The following EXOC4 variants were observed in gnomAD, a reference collection of about 807,000 sequenced individuals.
EXOC4 encodes exocyst complex component 4.
EXOC4 carries 71 observed loss-of-function variants against 107.2 expected under a neutral mutation model. That is an observed-to-expected ratio of 0.66 (90% CI 0.55 to 0.81). The LOEUF is 0.81. Among genes scored for constraint, EXOC4 ranks in the 30% least tolerant of loss-of-function variants. EXOC4 has a pLI of 0.00. For synonymous variants in EXOC4, 456 were observed against 441.2 expected (o/e 1.03, Z -0.42); for missense variants, 1,108 against 1,189.6 (o/e 0.93, Z 1.01).
intron 4 of EXOC4, among the ~76,000 whole-genome samples, chr7:133,307,326 G>A (rs1794775146): frequency 2.0e-5 from 3 of 152,290 alleles, no homozygotes; most frequent in South Asian, 4.1e-4. Context: ...TCTGAATAGG[G>A]TATCTGTCAG....
chr7:133,258,489 C>G (rs970820546), intron 1 of EXOC4, among the ~76,000 whole-genome samples: 1 of 152,120 alleles, frequency 6.6e-6, no homozygotes, highest in Non-Finnish European at 1.5e-5. Context: ...GTCTTAGTTT[C>G]CTCATTTGGA....
At chr7:133,817,012 T>A (rs1035378447) in intron 10 of EXOC4, among the ~76,000 whole-genome samples, 2 of 152,288 alleles carry the variant, frequency 1.3e-5, no homozygotes, top group Middle Eastern at 3.4e-3. Context: ...TTCACAATAA[T>A]TTGTGTTTTT....
intron 13 of EXOC4, among the ~76,000 whole-genome samples, chr7:133,918,149 A>AT (rs5887650): frequency 0.62 from 93,534 of 151,354 alleles, 31,270 homozygotes; most frequent in African/African-American, 0.89. Flanking sequence ...CGCCCGGCTA[A>AT]TTTTTTATTT....
the EXOC4 span, among the ~76,000 whole-genome samples, chr7:134,099,522 CTTTT>C: frequency 9.6e-6 from 1 of 103,934 alleles, no homozygotes; most frequent in Non-Finnish European, 2.1e-5. Flanking sequence ...CATCACACTT[CTTTT>C]TTTTTTTTTT....
intron 13 of EXOC4, among the ~76,000 whole-genome samples, chr7:133,928,345 C>T (rs748263403): frequency 1.1e-4 from 16 of 152,246 alleles, no homozygotes; most frequent in Admixed American, 3.9e-4. Flanking sequence ...AGCGGTGAGA[C>T]GCTCTAGTAG....
intron 9 of EXOC4, among the ~76,000 whole-genome samples, chr7:133,582,781 C>T (rs1424539703): frequency 1.3e-5 from 2 of 152,052 alleles, no homozygotes; most frequent in Non-Finnish European, 2.9e-5. Flanking sequence ...ACCAGAATTT[C>T]CCTGTTTCTC....
chr7:133,438,966 A>C (rs1238376068), intron 7 of EXOC4, among the ~76,000 whole-genome samples: 1 of 152,176 alleles, frequency 6.6e-6, no homozygotes, highest in Non-Finnish European at 1.5e-5. Context: ...ACTGGGAATC[A>C]GGAAATTTGA....
At chr7:133,385,862 C>A (rs994417060) in intron 7 of EXOC4, among the ~76,000 whole-genome samples, 1 of 152,130 alleles carries the variant, frequency 6.6e-6, no homozygotes, top group African/African-American at 2.4e-5. Context: ...TCAACTGATT[C>A]ATTTAATTGA....
At chr7:133,710,913 GA>G (rs5887642) in intron 10 of EXOC4, among the ~76,000 whole-genome samples, 8 of 148,510 alleles carry the variant, frequency 5.4e-5, no homozygotes, top group African/African-American at 1.7e-4. Flanking sequence ...TTAACAGCCA[GA>G]AAAAAAAAAT....
chr7:133,611,090 C>A (rs10227222), intron 9 of EXOC4, among the ~76,000 whole-genome samples: 3,679 of 151,460 alleles, frequency 0.024, 154 homozygotes, highest in African/African-American at 0.085. Context: ...GGCATGAGCC[C>A]TCATGCCTGG....
intron 7 of EXOC4, among the ~76,000 whole-genome samples, chr7:133,448,021 A>C (rs1798257151): frequency 6.6e-6 from 1 of 152,220 alleles, no homozygotes; most frequent in South Asian, 2.1e-4. Flanking sequence ...AAAATAGTTG[A>C]GCCACTATTA....
At chr7:133,819,220 C>A (rs1000315808) in intron 11 of EXOC4, among the ~76,000 whole-genome samples, 6 of 152,010 alleles carry the variant, frequency 3.9e-5, no homozygotes, top group Admixed American at 3.9e-4. Context: ...CCTGCCCATA[C>A]CTCTGTAAGT....
intron 10 of EXOC4, among the ~76,000 whole-genome samples, chr7:133,762,427 T>C (rs1210414662): frequency 6.6e-6 from 1 of 152,182 alleles, no homozygotes; most frequent in Non-Finnish European, 1.5e-5. Context: ...GAAACCTTTT[T>C]TTTACTTCAT....
At chr7:133,300,432 T>C (rs1438699792) in intron 3 of EXOC4, among the ~76,000 whole-genome samples, 3 of 152,190 alleles carry the variant, frequency 2.0e-5, no homozygotes, top group African/African-American at 7.2e-5. Context: ...GTCCCTGAAA[T>C]CTTCACAATA....
intron 13 of EXOC4, among the ~76,000 whole-genome samples, chr7:133,919,964 A>C (rs1311704651): frequency 6.6e-6 from 1 of 152,210 alleles, no homozygotes; most frequent in Non-Finnish European, 1.5e-5. Context: ...AAACTGCCAA[A>C]ATGTATTCCA....
chr7:133,253,118 C>T lies in EXOC4; in HGVS notation c.17C>T (p.Ala6Val), dbSNP rs540463431. The T allele has an allele frequency of 2.3e-5, 37 of 1,614,168 alleles. No homozygotes were observed. In the South Asian group the frequency reaches 3.5e-4, roughly 15 times the overall value. Residue 6 changes from alanine (A) to valine (V), a missense_variant, in exon 1 of 18, where the codon GCT becomes GTT. Transcript: ENST00000253861. MAAEAAGGKYRSTVSK... is the reference protein window; with the variant it reads MAAEAVGGKYRSTVSK... ...GCGTCCAAGATGGCGGCAGAAGCAG[C>T]TGGTGGGAAATACAGAAGCACAGTC... is the stretch of plus-strand genomic sequence containing the variant.
chr7:133,776,910 C>T (rs905825761), intron 10 of EXOC4, among the ~76,000 whole-genome samples: 1 of 151,958 alleles, frequency 6.6e-6, no homozygotes, highest in Non-Finnish European at 1.5e-5. Flanking sequence ...TAATTCACTG[C>T]CATATTAAAA....
intron 14 of EXOC4, 83 bp from the exon 15 acceptor site, chr7:133,997,409 G>A: frequency 1.3e-6 from 2 of 1,516,116 alleles, no homozygotes; most frequent in Non-Finnish European, 1.8e-6. Flanking sequence ...GTAAAAACAA[G>A]ATGAACAGCA....
At chr7:134,072,887 G>A in the EXOC4 span, among the ~76,000 whole-genome samples, 365 of 152,126 alleles carry the variant, frequency 2.4e-3, no homozygotes, top group East Asian at 0.028. Context: ...GTGCAGCCCC[G>A]CTTACAGCGC....
Sources: allele counts gnomAD v4.1 joint callset (sites outside exome capture counted in the v4.1 genomes callset), GRCh38; gene constraint gnomAD v4.1.1; transcripts MANE v1.5; gene names NCBI Gene and HGNC (gene_info 2026-07-23, HGNC 2026-07-21).